ETFA: variants seen among roughly 807,000 people sequenced by gnomAD.
The protein encoded by ETFA is electron transfer flavoprotein subunit alpha.
ETFA carries 22 observed loss-of-function variants against 46.2 expected under a neutral mutation model. That is an observed-to-expected ratio of 0.48 (90% CI 0.34 to 0.68). The LOEUF (loss-of-function observed/expected upper bound fraction) is 0.68, where lower values mean the gene tolerates loss of function less well. Ranked by LOEUF, ETFA falls within the 30% of genes least tolerant of loss-of-function variation. ETFA has a pLI of 0.01. For synonymous variants in ETFA, 131 were observed against 139.9 expected (o/e 0.94, Z 0.45); for missense variants, 345 against 401.1 (o/e 0.86, Z 1.19).
intron 1 of ETFA, among the ~76,000 whole-genome samples, chr15:76,307,556 G>C (rs1449942596): frequency 6.6e-6 from 1 of 151,804 alleles, no homozygotes; most frequent in Non-Finnish European, 1.5e-5. Flanking sequence ...GTGCTACCTG[G>C]GCTCAATGCA....
At chr15:76,231,775 C>T (rs532259994) in intron 9 of ETFA, among the ~76,000 whole-genome samples, 1 of 152,200 alleles carries the variant, frequency 6.6e-6, no homozygotes, top group Non-Finnish European at 1.5e-5. Context: ...GCTGTACATA[C>T]CCATTAAAAA....
intron 8 of ETFA, among the ~76,000 whole-genome samples, chr15:76,281,456 C>T (rs1280516092): frequency 2.0e-5 from 3 of 150,862 alleles, no homozygotes; most frequent in Non-Finnish European, 4.4e-5. Flanking sequence ...GACAGAGTCT[C>T]GCCCTGTTGC....
chr15:76,239,215 A>G (rs2039159087), intron 9 of ETFA, among the ~76,000 whole-genome samples: 1 of 152,190 alleles, frequency 6.6e-6, no homozygotes, highest in South Asian at 2.1e-4. Context: ...CCAAAATTAT[A>G]CACACCTAGT....
chr15:76,285,006 T>A, intron 7 of ETFA: 2 of 299,390 alleles, frequency 6.7e-6, no homozygotes, highest in South Asian at 5.1e-5. Context: ...TCAATGATAC[T>A]TGCAATAGAA....
At chr15:76,275,084 CACT>C (rs1418719591) in intron 8 of ETFA, among the ~76,000 whole-genome samples, 2 of 152,118 alleles carry the variant, frequency 1.3e-5, no homozygotes, top group Admixed American at 1.3e-4. Flanking sequence ...GCCTCACCAC[CACT>C]ATCTTGAGTC....
At chr15:76,261,228 G>C in intron 9 of ETFA, 1 of 1,492,276 alleles carries the variant, frequency 6.7e-7, no homozygotes. Context: ...CCACAGCCTT[G>C]CAAGACAGTT....
At chr15:76,232,001 T>TACACAC (rs367863036) in intron 9 of ETFA, among the ~76,000 whole-genome samples, 4 of 149,440 alleles carry the variant, frequency 2.7e-5, no homozygotes, top group Non-Finnish European at 6.0e-5. Flanking sequence ...CACGTACACA[T>TACACAC]ACACACACAC....
intron 2 of ETFA, among the ~76,000 whole-genome samples, chr15:76,293,377 G>C (rs1389532955): frequency 2.0e-5 from 3 of 152,144 alleles, no homozygotes; most frequent in Non-Finnish European, 4.4e-5. Context: ...TCAATGTCCT[G>C]GAAATGGTGA....
chr15:76,280,535 C>T (rs896846829), intron 8 of ETFA, among the ~76,000 whole-genome samples: 1 of 152,136 alleles, frequency 6.6e-6, no homozygotes, highest in African/African-American at 2.4e-5. Context: ...TTGATCTCCC[C>T]ATTACTATAC....
chr15:76,268,945 T>C (rs139845917), intron 9 of ETFA, among the ~76,000 whole-genome samples: 31 of 152,350 alleles, frequency 2.0e-4, no homozygotes, highest in African/African-American at 6.5e-4. Flanking sequence ...ACCCTTGATA[T>C]TGTAAAACTA....
At chr15:76,295,936 C>CTTTTT (rs1157687784) in intron 1 of ETFA, among the ~76,000 whole-genome samples, 199 bp from the exon 2 acceptor site, 562 of 46,590 alleles carry the variant, frequency 0.012, 133 homozygotes, top group South Asian at 0.031. Flanking sequence ...CACTAATATT[C>CTTTTT]TTTTTTTTTT....
intron 1 of ETFA, among the ~76,000 whole-genome samples, chr15:76,311,085 G>A (rs1282482410): frequency 1.3e-5 from 2 of 152,222 alleles, no homozygotes; most frequent in Non-Finnish European, 2.9e-5. Flanking sequence ...CAGAGAGTGG[G>A]CCAGAAGAAG....
At chr15:76,228,000 A>C in intron 10 of ETFA, 3 of 455,864 alleles carry the variant, frequency 6.6e-6, no homozygotes, top group Non-Finnish European at 1.3e-5. Context: ...AAGAACAAAC[A>C]TTCTGAATTG....
chr15:76,302,612 C>A (rs3991793), intron 1 of ETFA, among the ~76,000 whole-genome samples: 43,105 of 151,898 alleles, frequency 0.28, 6,567 homozygotes, highest in East Asian at 0.58. Flanking sequence ...CTGTCATTAT[C>A]CATTTGTCCA....
intron 8 of ETFA, among the ~76,000 whole-genome samples, 179 bp downstream of exon 8, chr15:76,283,578 G>C (rs2039675743): frequency 6.6e-6 from 1 of 152,156 alleles, no homozygotes; most frequent in Admixed American, 6.5e-5. Flanking sequence ...TCTCCTCACT[G>C]AATGCTATAT....
At chr15:76,223,096 A>G (rs1010581154) in intron 11 of ETFA, among the ~76,000 whole-genome samples, 5 of 152,140 alleles carry the variant, frequency 3.3e-5, no homozygotes, top group African/African-American at 1.2e-4. Flanking sequence ...TCGGCCTTCC[A>G]AAGTACTGGG....
At chr15:76,223,469 C>T (rs1008145805) in intron 11 of ETFA, among the ~76,000 whole-genome samples, 6 of 152,006 alleles carry the variant, frequency 3.9e-5, no homozygotes, top group Non-Finnish European at 8.8e-5. Context: ...GTGATCCACC[C>T]GCCTCGGCCT....
At chr15:76,229,082 A>G (rs967918000) in intron 10 of ETFA, 2 of 152,168 alleles carry the variant, frequency 1.3e-5, no homozygotes, top group Non-Finnish European at 2.9e-5. Context: ...TGCTTTCATT[A>G]GATTCATTTG....
At chr15:76,242,543 G>C (rs113755197) in intron 9 of ETFA, among the ~76,000 whole-genome samples, 70 of 152,318 alleles carry the variant, frequency 4.6e-4, no homozygotes, top group African/African-American at 1.6e-3. Context: ...CCAATCCTAA[G>C]TATATATTCA....
Sources: allele counts gnomAD v4.1 joint callset (sites outside exome capture counted in the v4.1 genomes callset), GRCh38; gene constraint gnomAD v4.1.1; transcripts MANE v1.5; gene names NCBI Gene and HGNC (gene_info 2026-07-23, HGNC 2026-07-21).